Variants in WWOX observed in about 807,000 individuals in gnomAD.
The protein encoded by WWOX is WW domain-containing oxidoreductase.
Under a neutral mutation model 46.2 loss-of-function variants are expected in WWOX, and 69 were observed. The observed-to-expected ratio is 1.49, with a 90% CI of 1.23 to 1.82. WWOX has a LOEUF of 1.82. Among genes scored for constraint, WWOX ranks in the 40% most tolerant of loss-of-function variants. The pLI is 0.00. For synonymous variants in WWOX, 359 were observed against 202.6 expected (o/e 1.77, Z -6.56); for missense variants, 919 against 542.6 (o/e 1.69, Z -6.89).
chr16:78,440,525 A>ATGT (rs1478001480), intron 8 of WWOX, among the ~76,000 whole-genome samples: 1 of 152,078 alleles, frequency 6.6e-6, no homozygotes, highest in Non-Finnish European at 1.5e-5. Context: ...AGCACTCCTT[A>ATGT]TGTGTTGAAT....
intron 8 of WWOX, among the ~76,000 whole-genome samples, chr16:78,655,806 T>G (rs969681244): frequency 1.3e-5 from 2 of 152,242 alleles, no homozygotes; most frequent in Non-Finnish European, 2.9e-5. Flanking sequence ...ATTTGAAGCC[T>G]TATTTAGAAG....
At chr16:79,052,104 A>C (rs955745321) in intron 8 of WWOX, among the ~76,000 whole-genome samples, 1 of 150,972 alleles carries the variant, frequency 6.6e-6, no homozygotes, top group South Asian at 2.1e-4. Context: ...TTAGTTACAT[A>C]TGTATACATG....
chr16:78,947,554 C>T (rs912865736), intron 8 of WWOX, among the ~76,000 whole-genome samples: 5 of 152,212 alleles, frequency 3.3e-5, no homozygotes, highest in African/African-American at 1.2e-4. Context: ...CTCTGATGAG[C>T]TGTCTGTTAC....
chr16:78,369,679 G>T (rs1321289596), intron 5 of WWOX, among the ~76,000 whole-genome samples: 1 of 152,034 alleles, frequency 6.6e-6, no homozygotes, highest in Non-Finnish European at 1.5e-5. Context: ...CTCCAGAAAG[G>T]TCTCTCTCGG....
intron 5 of WWOX, among the ~76,000 whole-genome samples, chr16:78,215,422 G>C (rs528599588): frequency 2.0e-5 from 3 of 152,102 alleles, no homozygotes; most frequent in African/African-American, 7.2e-5. Context: ...GTGAGTTCTC[G>C]TGAGATCTGA....
intron 8 of WWOX, among the ~76,000 whole-genome samples, chr16:78,447,935 C>G (rs2083599999): frequency 1.3e-5 from 2 of 152,090 alleles, no homozygotes; most frequent in Non-Finnish European, 2.9e-5. Flanking sequence ...TCCCAAGTAG[C>G]TGGGATTACA....
At chr16:79,183,445 T>C (rs911093566) in intron 8 of WWOX, among the ~76,000 whole-genome samples, 2 of 152,208 alleles carry the variant, frequency 1.3e-5, no homozygotes, top group Admixed American at 1.3e-4. Context: ...ACATAAAAGC[T>C]TAGGCTCAAA....
chr16:79,110,539 G>A (rs1305154483), intron 8 of WWOX: 1 of 152,278 alleles, frequency 6.6e-6, no homozygotes, highest in Admixed American at 6.5e-5. Flanking sequence ...TTAATAGTTT[G>A]TACCTCAAGT....
At chr16:78,437,351 A>T (rs2083356783) in intron 8 of WWOX, among the ~76,000 whole-genome samples, 1 of 152,192 alleles carries the variant, frequency 6.6e-6, no homozygotes, top group Non-Finnish European at 1.5e-5. Context: ...TAATTTTACA[A>T]TTGGATGTTC....
chr16:78,653,885 C>G (rs1274780769), intron 8 of WWOX, among the ~76,000 whole-genome samples: 1 of 152,200 alleles, frequency 6.6e-6, no homozygotes, highest in South Asian at 2.1e-4. Flanking sequence ...TTGTCTATTA[C>G]ATGCAGCAGG....
chr16:78,837,260 G>C (rs547578512), intron 8 of WWOX, among the ~76,000 whole-genome samples: 3 of 152,304 alleles, frequency 2.0e-5, no homozygotes, highest in African/African-American at 7.2e-5. Flanking sequence ...ACGGTTCATA[G>C]AGATTACCTT....
chr16:78,302,445 T>C (rs1355236373), intron 5 of WWOX, among the ~76,000 whole-genome samples: 2 of 152,226 alleles, frequency 1.3e-5, no homozygotes, highest in Non-Finnish European at 2.9e-5. Flanking sequence ...GTTTTATTTC[T>C]GAAGGAGAAA....
At chr16:78,504,410 T>G (rs956829718) in intron 8 of WWOX, among the ~76,000 whole-genome samples, 2 of 152,328 alleles carry the variant, frequency 1.3e-5, no homozygotes, top group Middle Eastern at 3.4e-3. Context: ...ATAAGCAAGC[T>G]TGATCTCTCA....
chr16:78,821,215 C>G (rs2051484001), intron 8 of WWOX, among the ~76,000 whole-genome samples: 1 of 152,120 alleles, frequency 6.6e-6, no homozygotes, highest in Non-Finnish European at 1.5e-5. Flanking sequence ...CTACTTATCC[C>G]TGCATGTTGA....
In WWOX at chr16:78,833,076, C is replaced by A. The variant is rs994148164; in HGVS notation, c.1057-378532C>A. On this transcript the variant is annotated intron_variant, in intron 8 of 8. Transcript: ENST00000566780. ...TCCTTTCTTAAGAAAGGGTCTTGCT[C>A]TTTTGCCCAGGCTGCAGTGCAGTGG... Among the ~76,000 whole-genome samples, 6 of 143,230 alleles carry A rather than the reference C, an allele frequency of 4.2e-5. No homozygotes were observed. In the South Asian group the frequency reaches 1.3e-3, roughly 32 times the overall value. 94.0% of individuals were successfully genotyped at this position (143,230 alleles called of 152,430 possible). A position where few individuals can be genotyped will look rare whatever the true frequency, so the allele number is the denominator to read the frequency against.
At chr16:78,749,329 C>G (rs1270915290) in intron 8 of WWOX, among the ~76,000 whole-genome samples, 2 of 152,122 alleles carry the variant, frequency 1.3e-5, no homozygotes, top group Non-Finnish European at 2.9e-5. Flanking sequence ...AAAAAATGGA[C>G]TTTCAAGACA....
At chr16:78,524,505 C>T (rs2043416989) in intron 8 of WWOX, among the ~76,000 whole-genome samples, 1 of 152,050 alleles carries the variant, frequency 6.6e-6, no homozygotes, top group Non-Finnish European at 1.5e-5. Flanking sequence ...ACTGCAGCCT[C>T]TGCCTCCCGT....
intron 8 of WWOX, among the ~76,000 whole-genome samples, chr16:78,997,635 A>G (rs990729396): frequency 5.9e-5 from 9 of 152,040 alleles, no homozygotes; most frequent in Non-Finnish European, 1.2e-4. Context: ...GTGAATTTGC[A>G]CTAGTATTTA....
At position 78,467,035 on chromosome 16, in the gene WWOX, C is replaced by G. The variant is rs536652658; in HGVS notation, c.1056+34283C>G. ...CATGGGGACACTAAACGTACCTTAT[C>G]TCTTGACCATGCTATTGATTAGTTA... On this transcript the variant is annotated intron_variant, in intron 8 of 8. Coordinates refer to ENST00000566780, the MANE Select transcript of WWOX (RefSeq NM_016373.4). Among the ~76,000 whole-genome samples the G allele has an allele frequency of 3.9e-5, 6 of 152,252 alleles. No homozygotes were observed. In the South Asian group the frequency reaches 1.2e-3, roughly 32 times the overall value.
Sources: allele counts gnomAD v4.1 joint callset (sites outside exome capture counted in the v4.1 genomes callset), GRCh38; gene constraint gnomAD v4.1.1; transcripts MANE v1.5; gene names NCBI Gene and HGNC (gene_info 2026-07-23, HGNC 2026-07-21).